The following SERPINE2 variants were observed in gnomAD, a reference collection of about 807,000 sequenced individuals.
SERPINE2 encodes glia-derived nexin.
Under a neutral mutation model 36.3 loss-of-function variants are expected in SERPINE2, and 14 were observed. The ratio of observed to expected loss-of-function variants is 0.39; its 90% CI spans 0.25 to 0.60. The LOEUF (loss-of-function observed/expected upper bound fraction) is 0.60, where lower values mean the gene tolerates loss of function less well. SERPINE2 is among the 20% of genes least tolerant of loss of function. The probability of loss-of-function intolerance (pLI) is 0.57; values close to 1 mark genes in which losing one functional copy is unlikely to be tolerated. For missense variants in SERPINE2, 418 were observed against 499.6 expected (o/e 0.84, Z 1.56); for synonymous variants, 192 against 191.8 (o/e 1.00, Z -0.01).
chr2:224,008,148 T>G (rs535236844), intron 1 of SERPINE2, among the ~76,000 whole-genome samples: 38 of 152,296 alleles, frequency 2.5e-4, no homozygotes, highest in African/African-American at 8.9e-4. Flanking sequence ...GAATATTTTG[T>G]AGAGGTGCCG....
At chr2:224,006,678 G>A (rs1468534195) in intron 1 of SERPINE2, among the ~76,000 whole-genome samples, 1 of 152,202 alleles carries the variant, frequency 6.6e-6, no homozygotes, top group Non-Finnish European at 1.5e-5. Context: ...CACAAAATCA[G>A]AGGTTGACCC....
At chr2:224,001,232 T>A (rs1487236583) in intron 2 of SERPINE2, among the ~76,000 whole-genome samples, 2 of 152,128 alleles carry the variant, frequency 1.3e-5, no homozygotes, top group Middle Eastern at 3.2e-3. Context: ...GATGGCTCCA[T>A]CACTACGAGG....
At chr2:223,996,575 C>A (rs1162856271) in intron 3 of SERPINE2, among the ~76,000 whole-genome samples, 1 of 152,196 alleles carries the variant, frequency 6.6e-6, no homozygotes, top group Non-Finnish European at 1.5e-5. Context: ...GAGGCAGAGG[C>A]AGACTGGGAG....
intron 2 of SERPINE2, among the ~76,000 whole-genome samples, chr2:223,999,711 C>T (rs565722315): frequency 5.9e-5 from 9 of 152,296 alleles, no homozygotes; most frequent in East Asian, 1.9e-4. Context: ...GGATGGCCAA[C>T]GGGCCAATAT....
In SERPINE2 at chr2:223,977,527, A is replaced by C; in HGVS notation, c.1156+17T>G. ...ATTCTAACAGAGAGGGCATGATGGAAGAGGAGAGTCACTTACCTGTAGGAT... is the reference window on the plus strand; with the variant it reads ...ATTCTAACAGAGAGGGCATGATGGACGAGGAGAGTCACTTACCTGTAGGAT... On this transcript the variant is annotated intron_variant, in intron 8 of 8. Coordinates refer to ENST00000409304, the MANE Select transcript of SERPINE2 (RefSeq NM_001136528.2). 1 of 1,523,584 alleles carries C rather than the reference A, an allele frequency of 6.6e-7. No individual in the cohort carries two copies. Among genetic ancestry groups the C allele is most frequent in the Non-Finnish European group, 9.1e-7 (1 of 1,097,558 alleles). The allele number at this position is 1,523,584 out of a possible 1,614,324, so 94.4% of individuals were successfully genotyped here.
intron 1 of SERPINE2, among the ~76,000 whole-genome samples, chr2:224,036,245 A>T (rs925418986): frequency 6.6e-6 from 1 of 152,024 alleles, no homozygotes; most frequent in Non-Finnish European, 1.5e-5. Flanking sequence ...CACAGAGCAC[A>T]AAAGGGATGA....
chr2:224,035,372 T>A (rs1692498549), intron 1 of SERPINE2, among the ~76,000 whole-genome samples: 1 of 124,318 alleles, frequency 8.0e-6, no homozygotes, highest in African/African-American at 2.8e-5. Context: ...TATTCCAGGT[T>A]TTTTTTGTTT....
intron 1 of SERPINE2, among the ~76,000 whole-genome samples, chr2:224,004,291 T>C (rs371170106): frequency 2.0e-5 from 3 of 152,316 alleles, no homozygotes; most frequent in South Asian, 4.1e-4. Context: ...AGGGCCCCAC[T>C]GTGAACCACT....
intron 1 of SERPINE2, among the ~76,000 whole-genome samples, chr2:224,017,792 C>T (rs971948714): frequency 5.3e-5 from 8 of 152,172 alleles, no homozygotes; most frequent in African/African-American, 9.7e-5. Context: ...AGGCCCCACT[C>T]GAAGCTGGCC....
intron 8 of SERPINE2, among the ~76,000 whole-genome samples, chr2:223,976,910 C>G (rs1402898901): frequency 6.6e-6 from 1 of 152,206 alleles, no homozygotes; most frequent in African/African-American, 2.4e-5. Context: ...AGGGCAGGAC[C>G]AGGTGGAGAA....
chr2:224,018,429 AAT>A (rs955561337), intron 1 of SERPINE2, among the ~76,000 whole-genome samples: 5 of 152,132 alleles, frequency 3.3e-5, no homozygotes, highest in African/African-American at 1.2e-4. Flanking sequence ...AGATGGATGA[AAT>A]ACCTCATATA....
At chr2:223,981,330 C>T (rs1690220028) in intron 6 of SERPINE2, 1 of 152,238 alleles carries the variant, frequency 6.6e-6, no homozygotes, top group African/African-American at 2.4e-5. Context: ...CCATGAACAA[C>T]CTTGAAGGGA....
chr2:223,993,245 G>GT (rs1690742627), intron 3 of SERPINE2, among the ~76,000 whole-genome samples: 1 of 152,240 alleles, frequency 6.6e-6, no homozygotes, highest in Non-Finnish European at 1.5e-5. Flanking sequence ...CGTCTTACTT[G>GT]TATCAGGAGT....
chr2:224,029,422 T>C (rs1332866992), intron 1 of SERPINE2, among the ~76,000 whole-genome samples: 1 of 152,228 alleles, frequency 6.6e-6, no homozygotes, highest in African/African-American at 2.4e-5. Context: ...ACATTTCCTA[T>C]CTGGGAATGC....
At chr2:223,984,291 T>C (rs755218838) in intron 5 of SERPINE2, among the ~76,000 whole-genome samples, 28 of 152,188 alleles carry the variant, frequency 1.8e-4, no homozygotes, top group Non-Finnish European at 3.4e-4. Flanking sequence ...ACTCTTAGGG[T>C]ATAATAGAAA....
chr2:224,010,403 C>G (rs1483872262), intron 1 of SERPINE2: 1 of 980,790 alleles, frequency 1.0e-6, no homozygotes, highest in East Asian at 1.1e-4. Context: ...TGAAAAGACA[C>G]ATATTTTATT....
intron 1 of SERPINE2, among the ~76,000 whole-genome samples, chr2:224,020,082 T>G (rs1691944341): frequency 6.6e-6 from 1 of 152,198 alleles, no homozygotes; most frequent in Non-Finnish European, 1.5e-5. Flanking sequence ...TAACCCATAC[T>G]TTGTCTGAAT....
intron 1 of SERPINE2, among the ~76,000 whole-genome samples, chr2:224,029,102 C>T (rs948682476): frequency 6.6e-6 from 1 of 152,204 alleles, no homozygotes; most frequent in Non-Finnish European, 1.5e-5. Context: ...ATTATGAATA[C>T]TGTGGCATCC....
intron 1 of SERPINE2, among the ~76,000 whole-genome samples, chr2:224,017,170 T>C (rs1164752172): frequency 6.6e-6 from 1 of 152,206 alleles, no homozygotes; most frequent in East Asian, 1.9e-4. Context: ...TTGTGTGATG[T>C]CAGTTTCCTG....
Sources: gnomAD v4.1 joint callset for allele counts (sites outside exome capture counted in the v4.1 genomes callset) on GRCh38, gnomAD v4.1.1 for gene constraint, MANE v1.5 for transcripts, NCBI Gene and HGNC (gene_info 2026-07-23, HGNC 2026-07-21) for gene names.